The following TPO variants were observed in gnomAD, a reference collection of about 807,000 sequenced individuals.
TPO encodes the protein thyroid peroxidase, also known as thyroid microsomal antigen.
A neutral mutation model predicts 96.9 loss-of-function variants in TPO; 78 were observed. The ratio of observed to expected loss-of-function variants is 0.81; its 90% CI spans 0.67 to 0.97. The LOEUF (loss-of-function observed/expected upper bound fraction) is 0.97, where lower values mean the gene tolerates loss of function less well. TPO is among the 50% of genes least tolerant of loss of function. The pLI is 0.00. For missense variants in TPO, 1,252 were observed against 1,274.8 expected (o/e 0.98, Z 0.27); for synonymous variants, 547 against 538.0 (o/e 1.02, Z -0.23).
intron 10 of TPO, among the ~76,000 whole-genome samples, chr2:1,489,177 CGCCTGCACAT>C (rs937265933): frequency 6.7e-6 from 1 of 149,254 alleles, no homozygotes; most frequent in African/African-American, 2.5e-5. Flanking sequence ...CACCTGCACA[CGCCTGCACAT>C]ACCCATCACA....
rs116577847 is a variant in TPO, at chr2:1,430,619, A to T, written c.180-2819A>T. Among the ~76,000 whole-genome samples the T allele has an allele frequency of 3.7e-3, 560 of 152,314 alleles. 1 individual carries two copies. Among genetic ancestry groups the T allele is most frequent in the Non-Finnish European group, 6.6e-3 (448 of 68,022 alleles). On this transcript the variant is annotated intron_variant, in intron 3 of 16. Coordinates refer to ENST00000329066, the MANE Select transcript of TPO (RefSeq NM_001206744.2). ...CAACTGAAAAAGCCTCAAGTGCTCA[A>T]CTCCAACCCATGAGAGCAGCCAGGT... is the stretch of plus-strand genomic sequence containing the variant.
chr2:1,504,214 A>T, intron 14 of TPO, 135 bp downstream of exon 14: 1 of 1,507,086 alleles, frequency 6.6e-7, no homozygotes, highest in Non-Finnish European at 9.0e-7. Context: ...CACCAAGCCC[A>T]CGGTGCCCGA....
chr2:1,492,048 G>C (rs1322164635), intron 10 of TPO, among the ~76,000 whole-genome samples: 1 of 152,230 alleles, frequency 6.6e-6, no homozygotes, highest in Non-Finnish European at 1.5e-5. Flanking sequence ...AGGAGCACAA[G>C]AGTCAGACAC....
chr2:1,375,720 C>T (rs900289153), intron 1 of TPO, among the ~76,000 whole-genome samples: 1 of 152,144 alleles, frequency 6.6e-6, no homozygotes, highest in Non-Finnish European at 1.5e-5. Flanking sequence ...GTGTTTCCTT[C>T]ACCGTGTCTA....
At chr2:1,432,526 G>GGTGT (rs1665091315) in intron 3 of TPO, among the ~76,000 whole-genome samples, 1 of 150,780 alleles carries the variant, frequency 6.6e-6, no homozygotes, top group African/African-American at 2.4e-5. Context: ...TGCAGGTGAG[G>GGTGT]GGAGGCCTGC....
chr2:1,524,482 C>T (rs1192382878), intron 15 of TPO, among the ~76,000 whole-genome samples: 2 of 116,256 alleles, frequency 1.7e-5, no homozygotes, highest in Non-Finnish European at 3.5e-5. Context: ...CCACTGTGTG[C>T]AACCTCCTCA....
chr2:1,405,974 G>A (rs545229960), intron 1 of TPO, among the ~76,000 whole-genome samples: 28 of 152,264 alleles, frequency 1.8e-4, no homozygotes, highest in African/African-American at 5.8e-4. Flanking sequence ...AAGAAAACAC[G>A]CATCCTTTCA....
intron 8 of TPO, among the ~76,000 whole-genome samples, chr2:1,480,852 C>CCTGCTGCTGCGTCTGTCCTCA (rs1553316833): frequency 1.7e-5 from 1 of 59,986 alleles, no homozygotes; most frequent in Non-Finnish European, 4.1e-5. Context: ...CCTCACCATA[C>CCTGCTGCTGCGTCTGTCCTCA]CCACTCTAAT....
chr2:1,486,093 C>T (rs990002085), intron 9 of TPO, among the ~76,000 whole-genome samples: 5 of 152,132 alleles, frequency 3.3e-5, no homozygotes, highest in East Asian at 3.9e-4. Flanking sequence ...ATTTTCGCAT[C>T]GATGTTTATC....
rs1377731925 is a variant in TPO at position 1,453,731 on chromosome 2, G to T, written c.520G>T (p.Ala174Ser). ...ATGGGGCGCCTCCAACACGGCCCTG[G>T]CACGATGGCTCCCTCCAGTCTATGA... ...PRWGASNTAL[A>S]RWLPPVYEDG... Residue 174 changes from alanine to serine, a missense_variant, in exon 6 of 17, where the codon GCA becomes TCA. By Grantham distance (99) the Ala-to-Ser change is moderately conservative. Transcript: ENST00000329066. 1.2e-6 allele frequency: 2 copies of T among 1,613,794 alleles called. No individual in the cohort carries two copies. Among genetic ancestry groups the T allele is most frequent in the Non-Finnish European group, 1.7e-6 (2 of 1,180,022 alleles).
chr2:1,515,247 GC>G (rs1003327546), intron 14 of TPO, among the ~76,000 whole-genome samples: 1 of 152,218 alleles, frequency 6.6e-6, no homozygotes, highest in Non-Finnish European at 1.5e-5. Context: ...GCGAGTAGCA[GC>G]AGATGGAAAC....
chr2:1,418,133 A>G (rs1479614056), intron 2 of TPO, among the ~76,000 whole-genome samples: 1 of 152,132 alleles, frequency 6.6e-6, no homozygotes, highest in Non-Finnish European at 1.5e-5. Context: ...AAATACAAAA[A>G]AAAATTAGCT....
At chr2:1,404,348 G>C (rs1166369575) in intron 1 of TPO, among the ~76,000 whole-genome samples, 4 of 152,092 alleles carry the variant, frequency 2.6e-5, no homozygotes, top group Admixed American at 2.6e-4. Flanking sequence ...CCTCTGCTGT[G>C]ACCCAGTGAG....
At chr2:1,492,626 C>T (rs1671881738) in intron 10 of TPO, among the ~76,000 whole-genome samples, 1 of 152,190 alleles carries the variant, frequency 6.6e-6, no homozygotes, top group African/African-American at 2.4e-5. Flanking sequence ...TCTCCCAGTT[C>T]TGTTTGGTCT....
chr2:1,411,419 C>T (rs932714372), upstream of TPO, among the ~76,000 whole-genome samples: 2 of 152,106 alleles, frequency 1.3e-5, no homozygotes, highest in Non-Finnish European at 2.9e-5. Flanking sequence ...CATCGGCACT[C>T]GGCATTTTCA....
At chr2:1,506,484 G>A (rs1673477641) in intron 14 of TPO, among the ~76,000 whole-genome samples, 1 of 152,178 alleles carries the variant, frequency 6.6e-6, no homozygotes, top group Admixed American at 6.5e-5. Flanking sequence ...GGTTGAACTA[G>A]TTTACAGTCC....
chr2:1,526,187 A>T (rs1676453038), intron 15 of TPO, among the ~76,000 whole-genome samples: 1 of 93,124 alleles, frequency 1.1e-5, no homozygotes, highest in African/African-American at 4.5e-5. Context: ...AACCTCCTCA[A>T]ATCCCCCCAC....
chr2:1,538,703 G>A (rs1052815743), intron 15 of TPO, among the ~76,000 whole-genome samples: 3 of 152,180 alleles, frequency 2.0e-5, no homozygotes, highest in Admixed American at 6.5e-5. Flanking sequence ...AAGGCAGAGT[G>A]GTGATGGTTC....
Position 1,526,634 on chromosome 2 carries a change from C to A in TPO, c.2618+9652C>A, listed in dbSNP as rs1371836722. ...AACTCTGTGCAACCTCCCCAAATCT[C>A]CCCAGTGTGTGCAACTTCCCTAAAT... On this transcript the variant is annotated intron_variant, in intron 15 of 16. Coordinates refer to ENST00000329066, the MANE Select transcript of TPO (RefSeq NM_001206744.2). Among the ~76,000 whole-genome samples the A allele has an allele frequency of 2.7e-5, 4 of 147,214 alleles. No homozygotes were observed. The South Asian group carries it at 6.7e-4, about 25-fold the overall frequency.
Sources: allele counts gnomAD v4.1 joint callset (sites outside exome capture counted in the v4.1 genomes callset), GRCh38; gene constraint gnomAD v4.1.1; transcripts MANE v1.5; gene names NCBI Gene and HGNC (gene_info 2026-07-23, HGNC 2026-07-21).